LDLRAD4: variants seen among roughly 807,000 people sequenced by gnomAD.
LDLRAD4 encodes low density lipoprotein receptor class A domain containing 4.
A neutral mutation model predicts 17.0 loss-of-function variants in LDLRAD4; 5 were observed. The ratio of observed to expected loss-of-function variants is 0.29; its 90% CI spans 0.15 to 0.62. LDLRAD4 has a LOEUF of 0.62. Ranked by LOEUF, LDLRAD4 falls within the 20% of genes least tolerant of loss-of-function variation. The pLI is 0.84. For missense variants in LDLRAD4, 340 were observed against 424.7 expected, an observed-to-expected ratio of 0.80 and a Z score of 1.75; for synonymous variants, 168 against 171.8, an observed-to-expected ratio of 0.98 and a Z score of 0.17.
chr18:13,280,648 C>T (rs1215528756), intron 1 of LDLRAD4, among the ~76,000 whole-genome samples: 1 of 152,230 alleles, frequency 6.6e-6, no homozygotes, highest in Non-Finnish European at 1.5e-5. Flanking sequence ...TTCAGGCTCC[C>T]TGCACCATTC....
At chr18:13,587,795 A>G (rs1313104200) in intron 3 of LDLRAD4, among the ~76,000 whole-genome samples, 1 of 152,184 alleles carries the variant, frequency 6.6e-6, no homozygotes, top group African/African-American at 2.4e-5. Flanking sequence ...GCTTACTGGT[A>G]TCCAATCCTT....
At chr18:13,590,780 G>C (rs1039825781) in intron 3 of LDLRAD4, among the ~76,000 whole-genome samples, 2 of 152,202 alleles carry the variant, frequency 1.3e-5, no homozygotes, top group African/African-American at 4.8e-5. Flanking sequence ...AATTGCACTG[G>C]AGATTGAGTC....
At chr18:13,291,796 C>T (rs1281022531) in intron 1 of LDLRAD4, among the ~76,000 whole-genome samples, 1 of 152,132 alleles carries the variant, frequency 6.6e-6, no homozygotes, top group Non-Finnish European at 1.5e-5. Context: ...CATTCTTGAG[C>T]GTACAATTTT....
chr18:13,326,442 T>A (rs978540335), intron 1 of LDLRAD4, among the ~76,000 whole-genome samples: 3 of 152,254 alleles, frequency 2.0e-5, no homozygotes, highest in African/African-American at 7.2e-5. Context: ...GAGGAATGAC[T>A]GATCTCATCT....
intron 3 of LDLRAD4, among the ~76,000 whole-genome samples, chr18:13,578,827 C>CTCTTTTTTT (rs2094812795): frequency 1.5e-5 from 1 of 65,676 alleles, no homozygotes; most frequent in Non-Finnish European, 2.8e-5. Context: ...TTGTCCGGGT[C>CTCTTTTTTT]TTTTTTTTTT....
At chr18:13,500,609 T>A (rs1323387397) in intron 3 of LDLRAD4, 1 of 152,172 alleles carries the variant, frequency 6.6e-6, no homozygotes, top group Non-Finnish European at 1.5e-5. Flanking sequence ...CTGCATTCAG[T>A]TCCTGACTCC....
chr18:13,297,106 C>G (rs1024384924), intron 1 of LDLRAD4, among the ~76,000 whole-genome samples: 1 of 152,182 alleles, frequency 6.6e-6, no homozygotes. Flanking sequence ...CCTCTTCTCA[C>G]CTGGGTACTT....
chr18:13,532,935 G>A (rs1456052669), intron 3 of LDLRAD4, among the ~76,000 whole-genome samples: 1 of 152,238 alleles, frequency 6.6e-6, no homozygotes, highest in Non-Finnish European at 1.5e-5. Flanking sequence ...CAGGAGCTTG[G>A]AGTAGCAATG....
chr18:13,337,740 T>TA (rs5823248), intron 1 of LDLRAD4, among the ~76,000 whole-genome samples: 62,245 of 135,750 alleles, frequency 0.46, 15,926 homozygotes, highest in Non-Finnish European at 0.57. Flanking sequence ...TTACAAAAAG[T>TA]AAAAAAAAAA....
At chr18:13,307,116 A>G (rs547407924) in intron 1 of LDLRAD4, among the ~76,000 whole-genome samples, 1 of 152,310 alleles carries the variant, frequency 6.6e-6, no homozygotes, top group South Asian at 2.1e-4. Flanking sequence ...CAAACAGGGG[A>G]AGAAGAATTG....
At chr18:13,630,745 A>T (rs1601818188) in intron 4 of LDLRAD4, among the ~76,000 whole-genome samples, 1 of 152,350 alleles carries the variant, frequency 6.6e-6, no homozygotes, top group East Asian at 1.9e-4. Context: ...GAAGAACAGT[A>T]AGAAATACAT....
intron 1 of LDLRAD4, among the ~76,000 whole-genome samples, chr18:13,326,313 G>C (rs1348486608): frequency 6.6e-6 from 1 of 152,142 alleles, no homozygotes; most frequent in Non-Finnish European, 1.5e-5. Context: ...TTACATTCTT[G>C]TGAGACTCTA....
intron 1 of LDLRAD4, among the ~76,000 whole-genome samples, chr18:13,368,917 G>C (rs543794173): frequency 6.6e-6 from 1 of 152,340 alleles, no homozygotes; most frequent in South Asian, 2.1e-4. Context: ...TGGCCTTCAT[G>C]GACTCAGCGG....
At chr18:13,584,534 A>C (rs1207278963) in intron 3 of LDLRAD4, among the ~76,000 whole-genome samples, 1 of 152,096 alleles carries the variant, frequency 6.6e-6, no homozygotes, top group African/African-American at 2.4e-5. Context: ...GGTGACTAGC[A>C]CTGCACCTGG....
chr18:13,271,632 C>T (rs1242756316), intron 1 of LDLRAD4, among the ~76,000 whole-genome samples: 3 of 152,196 alleles, frequency 2.0e-5, no homozygotes, highest in Admixed American at 1.3e-4. Flanking sequence ...CCTTGAATGC[C>T]GATAGCGTTC....
exon 2 of LDLRAD4, chr18:13,387,563 G>T (rs558352822): frequency 2.0e-5 from 13 of 660,176 alleles, no homozygotes; most frequent in South Asian, 1.4e-4. Context: ...CCGCCCGCCC[G>T]CGCGAGAGCC....
intron 3 of LDLRAD4, among the ~76,000 whole-genome samples, chr18:13,534,265 C>G (rs1355906763): frequency 6.6e-6 from 1 of 152,236 alleles, no homozygotes; most frequent in Non-Finnish European, 1.5e-5. Flanking sequence ...AATGAGCTCA[C>G]TGCACAGCCT....
intron 1 of LDLRAD4, among the ~76,000 whole-genome samples, chr18:13,339,479 G>C (rs1053901997): frequency 6.6e-6 from 1 of 152,094 alleles, no homozygotes; most frequent in Non-Finnish European, 1.5e-5. Context: ...GGCATTACAG[G>C]CATGAGCCAC....
chr18:13,648,569 GAA>G (rs2043105135), exon 6 of LDLRAD4: 1 of 152,314 alleles, frequency 6.6e-6, no homozygotes, highest in South Asian at 2.1e-4. Context: ...GTGTGGCGTT[GAA>G]AGAGTAGCGA....
Sources: allele counts gnomAD v4.1 joint callset (sites outside exome capture counted in the v4.1 genomes callset), GRCh38; gene constraint gnomAD v4.1.1; transcripts MANE v1.5; gene names NCBI Gene and HGNC (gene_info 2026-07-23, HGNC 2026-07-21).